Variants in RDX observed in about 807,000 individuals in gnomAD.
RDX encodes the protein radixin.
RDX carries 32 observed loss-of-function variants against 83.7 expected under a neutral mutation model. That is an observed-to-expected ratio of 0.38 (90% CI 0.29 to 0.51). The LOEUF (loss-of-function observed/expected upper bound fraction) is 0.51. RDX is among the 20% of genes least tolerant of loss of function. The pLI, the probability that RDX is intolerant of heterozygous loss-of-function variation, is 0.87. For synonymous variants in RDX, 229 were observed against 222.7 expected (o/e 1.03, Z -0.25); for missense variants, 600 against 689.9 (o/e 0.87, Z 1.46).
At chr11:110,262,600 A>T (rs1037197403) in intron 5 of RDX, among the ~76,000 whole-genome samples, 1 of 152,194 alleles carries the variant, frequency 6.6e-6, no homozygotes, top group Admixed American at 6.5e-5. Context: ...AGAAAAAAAA[A>T]AAAAATTAAA....
chr11:110,225,012 G>T (rs1864385922), downstream of RDX, among the ~76,000 whole-genome samples: 2 of 152,092 alleles, frequency 1.3e-5, no homozygotes, highest in Admixed American at 1.3e-4. Context: ...AGGATTCAAG[G>T]CTCCATAAAT....
intron 1 of RDX, among the ~76,000 whole-genome samples, chr11:110,292,716 T>A (rs575978342): frequency 6.6e-6 from 1 of 152,118 alleles, no homozygotes; most frequent in East Asian, 1.9e-4. Context: ...AAGAAAACAG[T>A]CCATTATCTC....
At chr11:110,258,055 G>A (rs1859617973) in intron 6 of RDX, 51 bp downstream of exon 6, 7 of 1,487,206 alleles carry the variant, frequency 4.7e-6, no homozygotes, top group South Asian at 3.5e-5. Flanking sequence ...GTTACGACAT[G>A]AAAATACTTT....
At chr11:110,222,882 T>A (rs1864299885) in intron 14 of RDX, among the ~76,000 whole-genome samples, 1 of 152,172 alleles carries the variant, frequency 6.6e-6, no homozygotes. Flanking sequence ...TTAAAAGATG[T>A]TAATATTTCT....
intron 15 of RDX, among the ~76,000 whole-genome samples, chr11:110,192,545 C>G (rs1040892721): frequency 6.6e-6 from 1 of 152,140 alleles, no homozygotes; most frequent in Non-Finnish European, 1.5e-5. Flanking sequence ...AGCTTCTGCA[C>G]AGCAAGAGAA....
intron 14 of RDX, among the ~76,000 whole-genome samples, chr11:110,206,538 GTGA>G (rs1464444119): frequency 5.3e-5 from 8 of 152,114 alleles, no homozygotes; most frequent in Non-Finnish European, 1.2e-4. Context: ...AACGGATGAC[GTGA>G]TGGAGAGGAA....
chr11:110,256,692 T>A (rs987148046), intron 7 of RDX, among the ~76,000 whole-genome samples: 2 of 152,128 alleles, frequency 1.3e-5, no homozygotes, highest in South Asian at 4.1e-4. Context: ...CTGGGCAACA[T>A]AGCAAGATCC....
intron 10 of RDX, among the ~76,000 whole-genome samples, chr11:110,238,810 G>A (rs1473851530): frequency 6.6e-6 from 1 of 151,826 alleles, no homozygotes; most frequent in African/African-American, 2.4e-5. Context: ...TGTAATCTCA[G>A]CTACTTGGGG....
At chr11:110,234,031 T>A (rs970716656) in intron 12 of RDX, among the ~76,000 whole-genome samples, 4 of 152,202 alleles carry the variant, frequency 2.6e-5, no homozygotes, top group Admixed American at 2.6e-4. Context: ...ATTATCTTGG[T>A]TTACCTGGAA....
At chr11:110,199,160 G>A (rs770403105) in intron 15 of RDX, among the ~76,000 whole-genome samples, 2 of 152,126 alleles carry the variant, frequency 1.3e-5, no homozygotes, top group Non-Finnish European at 2.9e-5. Context: ...CAGCAGAACA[G>A]AAGTGTCATA....
chr11:110,265,436 T>C (rs895004707), intron 3 of RDX, among the ~76,000 whole-genome samples: 8 of 151,766 alleles, frequency 5.3e-5, no homozygotes, highest in Non-Finnish European at 1.0e-4. Context: ...TCTTACTTGA[T>C]CCACTTTTTC....
At chr11:110,210,025 C>T (rs1440783395) in intron 14 of RDX, among the ~76,000 whole-genome samples, 5 of 127,828 alleles carry the variant, frequency 3.9e-5, no homozygotes, top group South Asian at 2.9e-4. Flanking sequence ...AGGCTTCAGA[C>T]GATCAAATTA....
At chr11:110,265,332 T>G (rs1448009558) in intron 3 of RDX, among the ~76,000 whole-genome samples, 2 of 152,010 alleles carry the variant, frequency 1.3e-5, no homozygotes, top group Non-Finnish European at 2.9e-5. Context: ...CCTCAGGTGA[T>G]CTGCCTGCCT....
intron 8 of RDX, among the ~76,000 whole-genome samples, chr11:110,254,775 C>T (rs1056467374): frequency 2.6e-5 from 4 of 152,080 alleles, no homozygotes; most frequent in Non-Finnish European, 5.9e-5. Flanking sequence ...TTGCACCCAG[C>T]CTGTTCTTCT....
chr11:110,290,481 T>C (rs1472210494), intron 1 of RDX, among the ~76,000 whole-genome samples: 1 of 150,820 alleles, frequency 6.6e-6, no homozygotes, highest in Non-Finnish European at 1.5e-5. Flanking sequence ...CACCGCACTC[T>C]GGCCTGGGCA....
chr11:110,257,693 A>G, intron 7 of RDX, 74 bp downstream of exon 7: 1 of 1,497,810 alleles, frequency 6.7e-7, no homozygotes, highest in Non-Finnish European at 9.3e-7. Context: ...ACTACTTTGA[A>G]AAACAGGACA....
chr11:110,234,425 T>A (rs953569066), intron 12 of RDX, among the ~76,000 whole-genome samples: 3 of 152,210 alleles, frequency 2.0e-5, no homozygotes, highest in Non-Finnish European at 4.4e-5. Flanking sequence ...AAATTCTTAA[T>A]ATAGTCTAAT....
At chr11:110,260,486 G>A (rs1341391376) in intron 5 of RDX, among the ~76,000 whole-genome samples, 1 of 152,120 alleles carries the variant, frequency 6.6e-6, no homozygotes, top group Non-Finnish European at 1.5e-5. Flanking sequence ...CTGTCGCCCA[G>A]GCTGGAGTGC....
chr11:110,205,526 T>C (rs566200050), intron 14 of RDX, among the ~76,000 whole-genome samples: 11 of 148,584 alleles, frequency 7.4e-5, no homozygotes, highest in Non-Finnish European at 1.5e-4. Flanking sequence ...TGTCAAAAGA[T>C]TAGTAACCAC....
Sources: gnomAD v4.1 joint callset for allele counts (sites outside exome capture counted in the v4.1 genomes callset) on GRCh38, gnomAD v4.1.1 for gene constraint, MANE v1.5 for transcripts, NCBI Gene and HGNC (gene_info 2026-07-23, HGNC 2026-07-21) for gene names.